The following TPRX1 variants were observed in gnomAD, a reference collection of about 807,000 sequenced individuals.
The protein encoded by TPRX1 is tetrapeptide repeat homeobox 1.
In TPRX1, 2 loss-of-function variants were observed where a neutral mutation model predicts 8.1. The observed-to-expected ratio is 0.25, with a 90% CI of 0.10 to 0.78. TPRX1 has a LOEUF of 0.78. Among genes scored for constraint, TPRX1 ranks in the 30% least tolerant of loss-of-function variants. The probability of loss-of-function intolerance (pLI) is 0.70; values close to 1 mark genes in which losing one functional copy is unlikely to be tolerated. For missense variants in TPRX1, 517 were observed against 586.9 expected (o/e 0.88, Z 1.23); for synonymous variants, 257 against 254.1 (o/e 1.01, Z -0.11).
intron 2 of TPRX1, among the ~76,000 whole-genome samples, chr19:47,812,794 C>T (rs181284023): frequency 5.3e-5 from 8 of 150,562 alleles, no homozygotes; most frequent in Admixed American, 4.6e-4. Context: ...CTCAAAAAAA[C>T]CCCCCAAAAC....
chr19:47,802,923 G>T, exon 4 of TPRX1: 2 of 1,550,366 alleles, frequency 1.3e-6, no homozygotes, highest in Non-Finnish European at 1.7e-6. Context: ...ACGCGCTGGG[G>T]CTGCTGCTGG....
At chr19:47,815,163 T>TATGCAAATATATATATATATATATATATA (rs201060804) in intron 2 of TPRX1, among the ~76,000 whole-genome samples, 1 of 86,298 alleles carries the variant, frequency 1.2e-5, no homozygotes, top group African/African-American at 5.6e-5. Context: ...TATATATATA[T>TATGCAAATATATATATATATATATATATA]TTTTTTTTTT....
At position 47,818,384 on chromosome 19, in the gene TPRX1, A is replaced by ATCCC. The variant is rs1360710508; in HGVS notation, c.151+80_151+83dup. ...TCCATCCATCATCCATCACCCATCC[A>ATCCC]TCCCTCCATCCATCCATCCATCCAT... is the stretch of plus-strand genomic sequence containing the variant. On this transcript the variant is annotated intron_variant, in intron 2 of 3. Transcript: ENST00000535759. 34 of 305,736 alleles carry ATCCC rather than the reference A, an allele frequency of 1.1e-4. 2 individuals carry two copies. The East Asian group carries it at 1.2e-3, about 11-fold the overall frequency. 18.9% of individuals were successfully genotyped at this position (305,736 alleles called of 1,614,324 possible).
intron 2 of TPRX1, among the ~76,000 whole-genome samples, chr19:47,809,992 C>T (rs968210238): frequency 6.6e-6 from 1 of 151,986 alleles, no homozygotes; most frequent in Non-Finnish European, 1.5e-5. Flanking sequence ...CAATGACTCA[C>T]ACCTGTAATC....
At position 47,801,996 on chromosome 19, in the gene TPRX1, C is replaced by T. The variant is rs146319990; in HGVS notation, c.1306G>A (p.Asp436Asn). 53 of 1,613,558 alleles carry T rather than the reference C, an allele frequency of 3.3e-5. No homozygotes were observed. Among genetic ancestry groups the T allele is most frequent in the South Asian group, 1.2e-4 (11 of 90,976 alleles). The stretch of plus-strand genomic sequence containing the variant: ...GTGTCTGGCAAGAAGTCGGAGGCAT[C>T]GGGGCTCTGAGGCCATAAGGGGGCT... Residue 436 changes from aspartate (D) to asparagine (N), a missense_variant, in exon 4 of 4, where the codon GAT becomes AAT. This residue lies in a region of TPRX1 where 506 missense variants were observed against 515.5 expected (regional missense o/e 0.98). Transcript: ENST00000535759.
intron 2 of TPRX1, among the ~76,000 whole-genome samples, chr19:47,805,509 C>T (rs963532157): frequency 6.6e-6 from 1 of 152,128 alleles, no homozygotes; most frequent in Non-Finnish European, 1.5e-5. Flanking sequence ...ATGGCAGGAC[C>T]CACGTGGGTT....
chr19:47,816,733 C>T (rs11668274), intron 2 of TPRX1, among the ~76,000 whole-genome samples: 2,688 of 151,920 alleles, frequency 0.018, 39 homozygotes, highest in Non-Finnish European at 0.026. Context: ...GGGGTTTCAC[C>T]ATGTTAGCCA....
rs74749416 is a variant in TPRX1, at chr19:47,818,959, G to A, written c.80+13C>T. 4.0e-3 allele frequency: 971 copies of A among 245,698 alleles called. 8 individuals carry two copies. The highest frequency in any genetic ancestry group is 0.021 in the African/African-American group (908 of 43,628). 15.2% of individuals were successfully genotyped at this position (245,698 alleles called of 1,614,324 possible). On this transcript the variant is annotated intron_variant, in intron 1 of 3. Coordinates refer to ENST00000535759, the Ensembl canonical transcript of TPRX1. ...CACCCTGTGTCCAAGTGTTCTCATT[G>A]TTCAATTCTCACCTATGAGCGAGAG... is the stretch of plus-strand genomic sequence containing the variant.
At chr19:47,814,546 C>G (rs1967813996) in intron 2 of TPRX1, among the ~76,000 whole-genome samples, 1 of 152,102 alleles carries the variant, frequency 6.6e-6, no homozygotes, top group Non-Finnish European at 1.5e-5. Context: ...TCTACTCACT[C>G]TCCCCTCTCT....
At chr19:47,802,655 C>A (rs1244303023) in exon 4 of TPRX1, 1 of 1,555,926 alleles carries the variant, frequency 6.4e-7, no homozygotes, top group Non-Finnish European at 8.7e-7. Context: ...TGGAATTGGG[C>A]CTGGAATTGA....
intron 2 of TPRX1, among the ~76,000 whole-genome samples, chr19:47,808,157 C>G (rs1967751276): frequency 2.6e-5 from 4 of 151,880 alleles, no homozygotes; most frequent in Admixed American, 2.6e-4. Context: ...TCTTCTTGCC[C>G]AGGCTGGAGT....
At chr19:47,804,973 T>C (rs944593771) in intron 2 of TPRX1, among the ~76,000 whole-genome samples, 15 of 152,220 alleles carry the variant, frequency 9.9e-5, no homozygotes, top group Non-Finnish European at 7.3e-5. Flanking sequence ...CCACTCCTCC[T>C]GGCTCCTGGG....
intron 2 of TPRX1, among the ~76,000 whole-genome samples, chr19:47,813,969 G>C (rs1441586463): frequency 1.3e-5 from 2 of 149,446 alleles, no homozygotes; most frequent in Non-Finnish European, 3.0e-5. Flanking sequence ...GGTGGGGGTG[G>C]GGTGGGGAGA....
chr19:47,803,916 A>T (rs1389346965), intron 2 of TPRX1, among the ~76,000 whole-genome samples: 2 of 151,992 alleles, frequency 1.3e-5, no homozygotes, highest in African/African-American at 4.8e-5. Context: ...CTCGGAGCAG[A>T]CGGGGCTGCC....
At chr19:47,802,572 C>T (rs1599949765) in exon 4 of TPRX1, 1 of 1,546,730 alleles carries the variant, frequency 6.5e-7, no homozygotes, top group Non-Finnish European at 8.7e-7. Flanking sequence ...CGGAATGGGC[C>T]TGGGATCTGG....
intron 2 of TPRX1, among the ~76,000 whole-genome samples, chr19:47,817,177 C>T (rs756573023): frequency 6.6e-6 from 1 of 152,332 alleles, no homozygotes; most frequent in Non-Finnish European, 1.5e-5. Flanking sequence ...CTCCATTCTA[C>T]AGGCAGGGAG....
At chr19:47,815,139 TATATGCAAATATATATA>T (rs1967825084) in intron 2 of TPRX1, among the ~76,000 whole-genome samples, 2 of 105,734 alleles carry the variant, frequency 1.9e-5, no homozygotes, top group African/African-American at 4.0e-5. Context: ...TATATATATA[TATATGCAAATATATATA>T]TATATATTTT....
chr19:47,803,811 G>A (rs1967707927), intron 2 of TPRX1, 138 bp from the exon 2 acceptor site: 1 of 488,050 alleles, frequency 2.0e-6, no homozygotes, highest in Non-Finnish European at 3.7e-6. Context: ...CTGGTATCCA[G>A]ACCAGACCTT....
At chr19:47,803,789 G>A (rs959220222) in intron 2 of TPRX1, 116 bp from the exon 2 acceptor site, 4 of 505,846 alleles carry the variant, frequency 7.9e-6, no homozygotes, top group African/African-American at 5.7e-5. Context: ...GGGCGGCACC[G>A]CGGATAGCAG....
Sources: gnomAD v4.1 joint callset for allele counts (sites outside exome capture counted in the v4.1 genomes callset) on GRCh38, gnomAD v4.1.1 for gene constraint, gnomAD v4.1.1 regional missense constraint, MANE v1.5 for transcripts, NCBI Gene and HGNC (gene_info 2026-07-23, HGNC 2026-07-21) for gene names.